The following SRPK2 variants were observed in gnomAD, a reference collection of about 807,000 sequenced individuals.
SRPK2 encodes the protein SFRS protein kinase 2.
In SRPK2, 21 loss-of-function variants were observed where a neutral mutation model predicts 90.8. The ratio of observed to expected loss-of-function variants is 0.23; its 90% confidence interval spans 0.16 to 0.33. The LOEUF (loss-of-function observed/expected upper bound fraction) is 0.33, where lower values mean the gene tolerates loss of function less well. Among genes scored for constraint, SRPK2 ranks in the 10% least tolerant of loss-of-function variants. SRPK2 has a pLI of 1.00. For synonymous variants in SRPK2, 288 were observed against 311.1 expected, an observed-to-expected ratio of 0.93 and a Z score of 0.78; for missense variants, 620 against 869.0, an observed-to-expected ratio of 0.71 and a Z score of 3.60.
At chr7:105,312,337 G>A (rs1585658070) in intron 2 of SRPK2, among the ~76,000 whole-genome samples, 4 of 150,434 alleles carry the variant, frequency 2.7e-5, no homozygotes. Context: ...CTACTTGGGA[G>A]GCTGAGACTG....
chr7:105,299,848 C>T (rs575871355), intron 2 of SRPK2, among the ~76,000 whole-genome samples: 5 of 152,008 alleles, frequency 3.3e-5, no homozygotes, highest in Non-Finnish European at 5.9e-5. Context: ...GAGCCGAGAT[C>T]GCGCCACTGC....
intron 2 of SRPK2, among the ~76,000 whole-genome samples, chr7:105,218,086 C>T (rs1256605099): frequency 1.3e-5 from 2 of 152,140 alleles, no homozygotes; most frequent in Non-Finnish European, 2.9e-5. Context: ...ACATGATGGC[C>T]TGAGCAGGAG....
intron 1 of SRPK2, among the ~76,000 whole-genome samples, chr7:105,398,187 T>A (rs1227163467): frequency 6.6e-6 from 1 of 152,148 alleles, no homozygotes; most frequent in Non-Finnish European, 1.5e-5. Context: ...AATGTCCACA[T>A]AGTATTAATT....
intron 2 of SRPK2, among the ~76,000 whole-genome samples, chr7:105,310,042 G>C (rs1043857808): frequency 6.6e-6 from 1 of 152,218 alleles, no homozygotes; most frequent in African/African-American, 2.4e-5. Context: ...CCCTCTGGGG[G>C]TGAGATCTGA....
chr7:105,385,097 C>T (rs1821386657), intron 2 of SRPK2, among the ~76,000 whole-genome samples: 2 of 150,384 alleles, frequency 1.3e-5, no homozygotes, highest in Admixed American at 6.7e-5. Context: ...TGGTCTCGAT[C>T]TCCTGACCTC....
At chr7:105,383,329 A>C (rs1178804910) in intron 2 of SRPK2, among the ~76,000 whole-genome samples, 2 of 151,056 alleles carry the variant, frequency 1.3e-5, no homozygotes, top group African/African-American at 4.9e-5. Flanking sequence ...AGCCTCCCAA[A>C]GTGCTGGGAT....
intron 2 of SRPK2, among the ~76,000 whole-genome samples, chr7:105,308,222 C>T (rs548948833): frequency 6.6e-6 from 1 of 152,114 alleles, no homozygotes. Flanking sequence ...AAACTCTGAC[C>T]TTATTTTGCC....
intron 2 of SRPK2, among the ~76,000 whole-genome samples, chr7:105,294,403 G>GA (rs537135277): frequency 3.3e-5 from 5 of 151,962 alleles, no homozygotes; most frequent in African/African-American, 1.2e-4. Context: ...AGGTTTTGGT[G>GA]AAAAAAAATT....
chr7:105,207,162 G>A, intron 2 of SRPK2, among the ~76,000 whole-genome samples: 1 of 152,120 alleles, frequency 6.6e-6, no homozygotes, highest in East Asian at 1.9e-4. Context: ...TTTGAGACAG[G>A]GTCTCGCTCT....
At chr7:105,230,942 TTTTTA>T (rs1249236414) in intron 2 of SRPK2, among the ~76,000 whole-genome samples, 3 of 152,362 alleles carry the variant, frequency 2.0e-5, no homozygotes, top group South Asian at 4.1e-4. Context: ...CAAAATGTGT[TTTTTA>T]TTTTAACTTT....
rs199752301 is a variant in SRPK2, at chr7:105,142,112, G to A, written c.1439C>T (p.Ser480Phe). Residue 480 changes from serine to phenylalanine, a missense_variant, in exon 11 of 16, where the codon TCT becomes TTT. Transcript: ENST00000393651. The stretch of plus-strand genomic sequence containing the variant: ...AAGTGGTGATCCCTCAGAAAGCACA[G>A]AGCCGCAGGCCACAGGTTCTAAGGA... The part of the protein sequence containing the change: ...SGSLEPVACG[S>F]VLSEGSPLTE... 1.2e-6 allele frequency: 2 copies of A among 1,614,170 alleles called. No individual in the cohort carries two copies. Among genetic ancestry groups the A allele is most frequent in the East Asian group, 2.2e-5 (1 of 44,882 alleles).
chr7:105,288,711 T>C (rs770440156), intron 2 of SRPK2, among the ~76,000 whole-genome samples: 5 of 152,102 alleles, frequency 3.3e-5, no homozygotes, highest in East Asian at 1.9e-4. Flanking sequence ...GATACTGCTG[T>C]TAGAAACAGA....
At chr7:105,255,145 G>A (rs1297076016) in intron 2 of SRPK2, among the ~76,000 whole-genome samples, 1 of 146,542 alleles carries the variant, frequency 6.8e-6, no homozygotes, top group Admixed American at 6.9e-5. Context: ...TAGAAAAAAA[G>A]TTATGCTAAA....
At chr7:105,203,532 G>A in intron 3 of SRPK2, 96 bp downstream of exon 3, 1 of 1,325,280 alleles carries the variant, frequency 7.5e-7, no homozygotes, top group Non-Finnish European at 9.9e-7. Flanking sequence ...CAAGCAATTT[G>A]CATCACTACC....
chr7:105,175,798 C>A (rs755081876), intron 3 of SRPK2, among the ~76,000 whole-genome samples: 2 of 151,700 alleles, frequency 1.3e-5, no homozygotes, highest in Non-Finnish European at 2.9e-5. Flanking sequence ...AGTCACAAAC[C>A]ACTCAAGGTC....
chr7:105,191,147 T>C (rs1794229487), intron 3 of SRPK2, among the ~76,000 whole-genome samples: 1 of 152,168 alleles, frequency 6.6e-6, no homozygotes, highest in Admixed American at 6.5e-5. Flanking sequence ...ATGCTATAAA[T>C]TACTGTTCAC....
At chr7:105,382,552 CAAAAAAAAAAAAA>C (rs71152969) in intron 2 of SRPK2, among the ~76,000 whole-genome samples, 18 of 75,902 alleles carry the variant, frequency 2.4e-4, no homozygotes, top group Non-Finnish European at 3.7e-4. Flanking sequence ...AACTCCATCT[CAAAAAAAAAAAAA>C]AAAAAAAAAA....
chr7:105,276,588 A>AC (rs1182046276), intron 2 of SRPK2, among the ~76,000 whole-genome samples: 1 of 151,684 alleles, frequency 6.6e-6, no homozygotes, highest in Non-Finnish European at 1.5e-5. Flanking sequence ...AAAAAAAAAA[A>AC]ATTAGGTAAG....
chr7:105,204,120 C>G (rs10281254), intron 2 of SRPK2, among the ~76,000 whole-genome samples: 1 of 152,134 alleles, frequency 6.6e-6, no homozygotes, highest in East Asian at 1.9e-4. Flanking sequence ...GAAATGAAAG[C>G]GTATTCCATG....
Sources: gnomAD v4.1 joint callset for allele counts (sites outside exome capture counted in the v4.1 genomes callset) on GRCh38, gnomAD v4.1.1 for gene constraint, MANE v1.5 for transcripts, NCBI Gene and HGNC (gene_info 2026-07-23, HGNC 2026-07-21) for gene names.